Variants in MRC1 observed in about 807,000 individuals in gnomAD.
MRC1 encodes the protein mannose receptor C-type 1, also known as macrophage mannose receptor 1.
Under a neutral mutation model 102.9 loss-of-function variants are expected in MRC1, and 62 were observed. The ratio of observed to expected loss-of-function variants is 0.60; its 90% confidence interval spans 0.49 to 0.74. The LOEUF is 0.74. Ranked by LOEUF, MRC1 falls within the 30% of genes least tolerant of loss-of-function variation. The probability of loss-of-function intolerance (pLI) is 0.00; values close to 1 mark genes in which losing one functional copy is unlikely to be tolerated. For missense variants in MRC1, 1,237 were observed against 862.8 expected (o/e 1.43, Z -5.43); for synonymous variants, 457 against 298.4 (o/e 1.53, Z -5.48).
intron 5 of MRC1, among the ~76,000 whole-genome samples, chr10:17,844,863 A>T (rs1838801927): frequency 6.6e-6 from 1 of 152,204 alleles, no homozygotes; most frequent in Admixed American, 6.5e-5. Context: ...TTCGCTTAGG[A>T]TAATGGCCTC....
chr10:17,897,983 G>C (rs1241580031), intron 23 of MRC1, 51 bp from the exon 24 acceptor site: 1 of 780,396 alleles, frequency 1.3e-6, no homozygotes, highest in Non-Finnish European at 2.4e-6. Context: ...TACTGATAAG[G>C]CTCAATTACT....
intron 6 of MRC1, among the ~76,000 whole-genome samples, chr10:17,847,039 G>T (rs1838836163): frequency 6.6e-6 from 1 of 152,198 alleles, no homozygotes; most frequent in Admixed American, 6.5e-5. Flanking sequence ...GCGGGACCTG[G>T]ATGTTGGGTT....
At chr10:17,858,223 C>G (rs1833124155) in intron 9 of MRC1, among the ~76,000 whole-genome samples, 1 of 152,120 alleles carries the variant, frequency 6.6e-6, no homozygotes, top group Non-Finnish European at 1.5e-5. Context: ...TGGTTGTTTT[C>G]TGACAGCGGT....
At chr10:17,896,822 G>A (rs1752159871) in intron 23 of MRC1, among the ~76,000 whole-genome samples, 2 of 152,166 alleles carry the variant, frequency 1.3e-5, no homozygotes, top group Non-Finnish European at 2.9e-5. Context: ...CACTTCTGTA[G>A]TGAAGGACAA....
intron 2 of MRC1, among the ~76,000 whole-genome samples, chr10:17,827,132 G>C (rs1411453551): frequency 6.6e-6 from 1 of 151,844 alleles, no homozygotes. Flanking sequence ...AAATGAAGTG[G>C]TACTATGAGT....
chr10:17,868,000 T>C (rs1465884639), intron 12 of MRC1, among the ~76,000 whole-genome samples: 2 of 152,168 alleles, frequency 1.3e-5, no homozygotes, highest in Non-Finnish European at 2.9e-5. Flanking sequence ...AATACATTCA[T>C]AGTTTAGGCC....
intron 9 of MRC1, among the ~76,000 whole-genome samples, chr10:17,859,256 T>C (rs1464687150): frequency 6.6e-6 from 1 of 152,232 alleles, no homozygotes; most frequent in Non-Finnish European, 1.5e-5. Flanking sequence ...ATAAGAGCTT[T>C]CTGTTTTATT....
chr10:17,842,151 T>TGGGATTTCCCCACATTGGCC (rs2130628144), intron 5 of MRC1, among the ~76,000 whole-genome samples: 1 of 152,244 alleles, frequency 6.6e-6, no homozygotes, highest in South Asian at 2.1e-4. Flanking sequence ...TTTGTAGTGA[T>TGGGATTTCCCCACATTGGCC]GGGATTTCCC....
Position 17,898,249 on chromosome 10 carries a change from G to A in MRC1, c.3466G>A (p.Ala1156Thr), listed in dbSNP as rs1833782190. The A allele has an allele frequency of 2.6e-6, 2 of 779,028 alleles. No homozygotes were observed. Among genetic ancestry groups the A allele is most frequent in the East Asian group, 2.4e-5 (1 of 41,150 alleles). 48.3% of individuals were successfully genotyped at this position (779,028 alleles called of 1,614,324 possible). A position where few individuals can be genotyped will look rare whatever the true frequency, so the allele number is the denominator to read the frequency against. The change falls in exon 24 of 30, where the codon GCC becomes ACC. Residue 1156 changes from alanine to threonine, a missense_variant. Transcript: ENST00000569591. ...METSNERVWI[A>T]LNSNLTDNQY... Reference sequence around the variant, plus strand: ...AACATCTAATGAACGTGTGTGGATCGCCCTGAACAGTAACTTGGTAAGATG... The same window carrying A: ...AACATCTAATGAACGTGTGTGGATCACCCTGAACAGTAACTTGGTAAGATG...
chr10:17,840,275 C>T (rs1838731675), intron 4 of MRC1, among the ~76,000 whole-genome samples: 3 of 142,922 alleles, frequency 2.1e-5, no homozygotes, highest in South Asian at 2.3e-4. Context: ...ATCATGTTAA[C>T]GAAGAAGAGA....
intron 1 of MRC1, among the ~76,000 whole-genome samples, chr10:17,813,702 T>TATATATATA (rs1554837619): frequency 3.9e-4 from 36 of 92,780 alleles, no homozygotes; most frequent in East Asian, 5.5e-4. Flanking sequence ...ATATATATAT[T>TATATATATA]TTTTTTTTTT....
intron 9 of MRC1, among the ~76,000 whole-genome samples, chr10:17,860,318 C>G (rs1161557694): frequency 6.7e-6 from 1 of 149,872 alleles, no homozygotes; most frequent in African/African-American, 2.5e-5. Flanking sequence ...GTCACTCAGG[C>G]TCGAGTGTAG....
intron 14 of MRC1, among the ~76,000 whole-genome samples, chr10:17,871,775 G>A (rs1437064230): frequency 2.6e-5 from 4 of 152,038 alleles, no homozygotes; most frequent in Admixed American, 1.3e-4. Context: ...AATTGTGTAC[G>A]TTATTCAACA....
chr10:17,899,345 T>G (rs1341853886), intron 24 of MRC1, among the ~76,000 whole-genome samples: 1 of 152,242 alleles, frequency 6.6e-6, no homozygotes, highest in Admixed American at 6.5e-5. Flanking sequence ...AAGTCATTTG[T>G]TTTCTTCTCA....
At position 17,866,835 on chromosome 10, in the gene MRC1, AAAAC is replaced by A. The variant is rs1833275987; in HGVS notation, c.1983+82_1983+85del. 21 of 775,914 alleles carry A rather than the reference AAAAC, an allele frequency of 2.7e-5. No individual in the cohort carries two copies. The Admixed American group carries it at 2.9e-4, about 11-fold the overall frequency. The allele number at this position is 775,914 out of a possible 1,614,324, so 48.1% of individuals were successfully genotyped here. On this transcript the variant is annotated intron_variant, in intron 12 of 29. Coordinates refer to ENST00000569591, the MANE Select transcript of MRC1 (RefSeq NM_002438.4). ...CCTAAAGAATCATCTAAGGACATAG[AAAAC>A]AAACAAAAACCAAAACACTCTGCCC...
chr10:17,827,725 G>A lies in MRC1; in HGVS notation c.637+10G>A, dbSNP rs1279774723. On this transcript the variant is annotated intron_variant, in intron 3 of 29. Transcript: ENST00000569591. ...TATTGTCCATTGAAATGTAAGTACTGTTTATCACCAAGAAAAGTTGGGCAC... is the reference window on the plus strand; with the variant it reads ...TATTGTCCATTGAAATGTAAGTACTATTTATCACCAAGAAAAGTTGGGCAC... 2.6e-6 allele frequency: 2 copies of A among 780,522 alleles called. No individual in the cohort carries two copies. The highest frequency in any genetic ancestry group is 1.7e-5 in the Admixed American group (1 of 59,008). The allele number at this position is 780,522 out of a possible 1,614,324, so 48.3% of individuals were successfully genotyped here.
chr10:17,858,483 C>G (rs928313068), intron 9 of MRC1, among the ~76,000 whole-genome samples: 118 of 152,026 alleles, frequency 7.8e-4, no homozygotes, highest in African/African-American at 2.8e-3. Context: ...TGACTTTGCT[C>G]CCTGGTGTGA....
intron 2 of MRC1, among the ~76,000 whole-genome samples, chr10:17,824,352 A>G (rs903315452): frequency 2.0e-5 from 3 of 152,236 alleles, no homozygotes; most frequent in Non-Finnish European, 4.4e-5. Context: ...TCAAGGTCAG[A>G]GAAAGAGCCT....
intron 12 of MRC1, among the ~76,000 whole-genome samples, chr10:17,867,059 A>T (rs941779971): frequency 6.7e-6 from 1 of 150,032 alleles, no homozygotes; most frequent in Non-Finnish European, 1.5e-5. Context: ...GGCCTTCTAG[A>T]TCTGCCTCCC....
Sources: gnomAD v4.1 joint callset for allele counts (sites outside exome capture counted in the v4.1 genomes callset) on GRCh38, gnomAD v4.1.1 for gene constraint, MANE v1.5 for transcripts, NCBI Gene and HGNC (gene_info 2026-07-23, HGNC 2026-07-21) for gene names.